The following DAB1 variants were observed in gnomAD, a reference collection of about 807,000 sequenced individuals.
DAB1 encodes the protein DAB adaptor protein 1, also known as disabled homolog 1.
Under a neutral mutation model 64.6 loss-of-function variants are expected in DAB1, and 15 were observed. The ratio of observed to expected loss-of-function variants is 0.23; its 90% confidence interval spans 0.16 to 0.36. The LOEUF is 0.36. DAB1 is among the 10% of genes least tolerant of loss of function. The pLI is 1.00. For missense variants in DAB1, 596 were observed against 706.7 expected, an observed-to-expected ratio of 0.84 and a Z score of 1.78; for synonymous variants, 235 against 251.9, an observed-to-expected ratio of 0.93 and a Z score of 0.64.
At chr1:57,026,876 C>T (rs1646806480) in intron 9 of DAB1, among the ~76,000 whole-genome samples, 1 of 152,122 alleles carries the variant, frequency 6.6e-6, no homozygotes, top group African/African-American at 2.4e-5. Flanking sequence ...GCATAAACTG[C>T]CAGATTCACA....
In DAB1 at chr1:57,755,613, C is replaced by G. The variant is rs1290238077; in HGVS notation, n.552-105948G>C. ...TTTAAACTTTCAGCATTTCTTACTA[C>G]TAACAATGCACCAGAGTGACATGTT... On this transcript the variant is annotated intron_variant and non_coding_transcript_variant, in intron 6 of 20. Transcript: ENST00000485760. Among the ~76,000 whole-genome samples, 3 of 152,208 alleles carry G rather than the reference C, an allele frequency of 2.0e-5. No individual in the cohort carries two copies. The East Asian group carries it at 5.8e-4, about 29-fold the overall frequency.
chr1:57,423,191 C>A (rs1685062026), intron 1 of DAB1, among the ~76,000 whole-genome samples: 1 of 143,046 alleles, frequency 7.0e-6, no homozygotes, highest in Non-Finnish European at 1.5e-5. Context: ...CAAGTCAGAG[C>A]GTCGAGTCTG....
At chr1:57,803,829 C>T (rs923271260) in intron 6 of DAB1, among the ~76,000 whole-genome samples, 6 of 152,198 alleles carry the variant, frequency 3.9e-5, no homozygotes, top group Non-Finnish European at 7.3e-5. Context: ...GACCATATGC[C>T]GGAGACTTCC....
intron 1 of DAB1, among the ~76,000 whole-genome samples, chr1:57,389,626 T>C (rs1479472250): frequency 6.6e-6 from 1 of 152,014 alleles, no homozygotes; most frequent in East Asian, 1.9e-4. Context: ...GAAGGATGGA[T>C]AAATGGAGGG....
At position 58,254,527 on chromosome 1, in the gene DAB1, A is replaced by G. The variant is rs12755520; in HGVS notation, n.309+88825T>C. 2.0e-3 allele frequency among the ~76,000 whole-genome samples: 202 copies of G among 102,618 alleles called. 1 individual carries two copies. Among genetic ancestry groups the G allele is most frequent in the African/African-American group, 5.0e-3 (127 of 25,488 alleles). 67.3% of individuals were successfully genotyped at this position (102,618 alleles called of 152,430 possible). A position where few individuals can be genotyped will look rare whatever the true frequency, so the allele number is the denominator to read the frequency against. Reference sequence around the variant, plus strand: ...CATCTAGCATTAGGTATATCTCCCAATGCTATCCCTCCCCCCTCCCCCCAC... The same window carrying G: ...CATCTAGCATTAGGTATATCTCCCAGTGCTATCCCTCCCCCCTCCCCCCAC... On this transcript the variant is annotated intron_variant and non_coding_transcript_variant, in intron 4 of 20. Transcript: ENST00000485760.
chr1:57,641,988 C>T (rs1334978504), intron 7 of DAB1, among the ~76,000 whole-genome samples: 1 of 152,126 alleles, frequency 6.6e-6, no homozygotes, highest in East Asian at 1.9e-4. Flanking sequence ...TATAAGCAAA[C>T]TGCTTCACGT....
chr1:57,547,822 G>A (rs1459495577), intron 7 of DAB1, among the ~76,000 whole-genome samples: 1 of 152,144 alleles, frequency 6.6e-6, no homozygotes, highest in Admixed American at 6.5e-5. Flanking sequence ...ACTGAGTGAC[G>A]AGTACATGGG....
At chr1:58,118,503 T>TACACACACACACAC (rs34017384) in intron 5 of DAB1, among the ~76,000 whole-genome samples, 10 of 53,108 alleles carry the variant, frequency 1.9e-4, no homozygotes, top group East Asian at 1.3e-3. Flanking sequence ...TATATATATA[T>TACACACACACACAC]ACACACACAC....
chr1:57,567,613 T>G (rs1273207065), intron 7 of DAB1, among the ~76,000 whole-genome samples: 4 of 152,066 alleles, frequency 2.6e-5, no homozygotes, highest in East Asian at 3.9e-4. Context: ...AAAAATCACA[T>G]GCATTCTTAT....
chr1:57,253,716 G>T (rs655277), intron 2 of DAB1, among the ~76,000 whole-genome samples: 89,164 of 151,986 alleles, frequency 0.59, 26,337 homozygotes, highest in Admixed American at 0.66. Flanking sequence ...ATTTTTCATA[G>T]AAAACTTTCT....
upstream of DAB1, among the ~76,000 whole-genome samples, chr1:57,888,881 G>A (rs1037100865): frequency 2.6e-5 from 4 of 152,196 alleles, no homozygotes; most frequent in African/African-American, 9.7e-5. Flanking sequence ...AGTGTGGGCA[G>A]TGGTTCTGGG....
intron 6 of DAB1, among the ~76,000 whole-genome samples, chr1:57,815,530 T>C (rs1651816938): frequency 6.6e-6 from 1 of 152,230 alleles, no homozygotes. Flanking sequence ...ATTGTGATGC[T>C]AAATGCATTT....
intron 3 of DAB1, among the ~76,000 whole-genome samples, chr1:58,380,431 T>C (rs1375628685): frequency 6.6e-6 from 1 of 152,202 alleles, no homozygotes; most frequent in African/African-American, 2.4e-5. Flanking sequence ...TTAAACCTGT[T>C]TTCTTCATGA....
intron 1 of DAB1, among the ~76,000 whole-genome samples, chr1:57,391,849 T>A (rs998003086): frequency 6.7e-6 from 1 of 149,710 alleles, no homozygotes; most frequent in African/African-American, 2.5e-5. Context: ...AGACAGCAAT[T>A]TCATGTTGCT....
At chr1:57,392,306 G>C (rs1682444455) in intron 1 of DAB1, among the ~76,000 whole-genome samples, 1 of 152,206 alleles carries the variant, frequency 6.6e-6, no homozygotes, top group African/African-American at 2.4e-5. Context: ...CCAGGGGGCG[G>C]AGGTTGCAGT....
chr1:57,180,349 A>T (rs1662783007), intron 2 of DAB1, among the ~76,000 whole-genome samples: 1 of 152,202 alleles, frequency 6.6e-6, no homozygotes, highest in South Asian at 2.1e-4. Flanking sequence ...ATTCTGTTAT[A>T]TCCCTAGGAG....
chr1:58,439,280 T>C (rs1297660664), intron 3 of DAB1, among the ~76,000 whole-genome samples: 3 of 146,592 alleles, frequency 2.0e-5, no homozygotes, highest in Non-Finnish European at 4.5e-5. Context: ...AGGAAGCCTT[T>C]CATGACTTCC....
chr1:57,604,410 A>G (rs1645611832), intron 7 of DAB1, among the ~76,000 whole-genome samples: 1 of 94,264 alleles, frequency 1.1e-5, no homozygotes, highest in Non-Finnish European at 2.1e-5. Context: ...TTATAAAAGA[A>G]AAAAAAAAAA....
At chr1:57,439,912 G>A in intron 7 of DAB1, among the ~76,000 whole-genome samples, 1 of 151,986 alleles carries the variant, frequency 6.6e-6, no homozygotes, top group Non-Finnish European at 1.5e-5. Flanking sequence ...TTCCTTCAGT[G>A]GAAAACAAAA....
Sources: allele counts gnomAD v4.1 joint callset (sites outside exome capture counted in the v4.1 genomes callset), GRCh38; gene constraint gnomAD v4.1.1; transcripts MANE v1.5; gene names NCBI Gene and HGNC (gene_info 2026-07-23, HGNC 2026-07-21).